The following AUTS2 variants were observed in gnomAD, a reference collection of about 807,000 sequenced individuals.
AUTS2 encodes the protein autism susceptibility gene 2 protein.
In AUTS2, 17 loss-of-function variants were observed where a neutral mutation model predicts 112.4. That is an observed-to-expected ratio of 0.15 (90% confidence interval 0.10 to 0.23). The LOEUF is 0.23. Ranked by LOEUF, AUTS2 falls within the 10% of genes least tolerant of loss-of-function variation. The pLI, the probability that AUTS2 is intolerant of heterozygous loss-of-function variation, is 1.00. For missense variants in AUTS2, 1,510 were observed against 1,701.6 expected (o/e 0.89, Z 1.98); for synonymous variants, 751 against 702.7 (o/e 1.07, Z -1.09).
chr7:69,675,311 T>TG (rs1796507732), intron 1 of AUTS2, among the ~76,000 whole-genome samples: 1 of 152,200 alleles, frequency 6.6e-6, no homozygotes, highest in East Asian at 1.9e-4. Context: ...TTTCCATTGT[T>TG]GCTTTTAAAA....
chr7:70,004,649 C>G (rs1003782298), intron 2 of AUTS2, among the ~76,000 whole-genome samples: 2 of 150,792 alleles, frequency 1.3e-5, no homozygotes, highest in South Asian at 2.1e-4. Context: ...GAGTTTTGGC[C>G]GACTTAGAGG....
At chr7:69,852,511 G>A (rs960311809) in intron 1 of AUTS2, among the ~76,000 whole-genome samples, 1 of 151,938 alleles carries the variant, frequency 6.6e-6, no homozygotes, top group Non-Finnish European at 1.5e-5. Context: ...GGAGTGCAGC[G>A]GCTCAATCTC....
intron 14 of AUTS2, among the ~76,000 whole-genome samples, chr7:70,779,293 C>T (rs1585677356): frequency 6.6e-6 from 1 of 152,164 alleles, no homozygotes; most frequent in Non-Finnish European, 1.5e-5. Context: ...CTCTCTGTAA[C>T]GTTCATTTAC....
At chr7:70,455,351 G>A (rs1377433125) in intron 5 of AUTS2, among the ~76,000 whole-genome samples, 1 of 152,158 alleles carries the variant, frequency 6.6e-6, no homozygotes, top group African/African-American at 2.4e-5. Flanking sequence ...TGCTACAGGT[G>A]GCAATGGCAA....
rs566265825 is a variant in AUTS2 at position 70,257,403 on chromosome 7, C to T, written c.660+122832C>T. ...CACAATCTCGGCTCACTGCAATCTC[C>T]GCCTCCCGGGTTCAAGCCATTTTCC... On this transcript the variant is annotated intron_variant, in intron 4 of 18. Transcript: ENST00000342771. Among the ~76,000 whole-genome samples, 7 of 152,200 alleles carry T rather than the reference C, an allele frequency of 4.6e-5. No homozygotes were observed. In the East Asian group the frequency reaches 7.8e-4, roughly 17 times the overall value.
At position 70,337,736 on chromosome 7, in the gene AUTS2, G is replaced by T. The variant is rs145780092; in HGVS notation, c.661-98016G>T. Among the ~76,000 whole-genome samples, 1,080 of 152,312 alleles carry T rather than the reference G, an allele frequency of 7.1e-3. 6 individuals are homozygous for T. Among genetic ancestry groups the T allele is most frequent in the Non-Finnish European group, 0.012 (831 of 68,014 alleles). On this transcript the variant is annotated intron_variant, in intron 4 of 18. Transcript: ENST00000342771. Reference sequence around the variant, plus strand: ...TTATGAAAAATAGCCCATGTGGTATGTATTTCTCTGCACACATGTGTGTTC... The same window carrying T: ...TTATGAAAAATAGCCCATGTGGTATTTATTTCTCTGCACACATGTGTGTTC...
intron 3 of AUTS2, among the ~76,000 whole-genome samples, chr7:70,134,105 A>G (rs1806416429): frequency 6.6e-6 from 1 of 152,160 alleles, no homozygotes; most frequent in African/African-American, 2.4e-5. Context: ...TTTATTTTCA[A>G]GTCAATCTGG....
At chr7:70,665,761 A>G (rs1464835748) in intron 5 of AUTS2, among the ~76,000 whole-genome samples, 2 of 152,200 alleles carry the variant, frequency 1.3e-5, no homozygotes, top group African/African-American at 4.8e-5. Context: ...AGGATACAAA[A>G]ACCACATATA....
chr7:69,624,581 G>A (rs754529561), intron 1 of AUTS2, among the ~76,000 whole-genome samples: 127 of 152,222 alleles, frequency 8.3e-4, no homozygotes, highest in Non-Finnish European at 1.1e-3. Context: ...GTGTGCAAGT[G>A]GAGGGAGAGA....
intron 5 of AUTS2, among the ~76,000 whole-genome samples, chr7:70,468,963 A>G (rs1797271705): frequency 6.6e-6 from 1 of 152,244 alleles, no homozygotes; most frequent in African/African-American, 2.4e-5. Flanking sequence ...GTCGCTCTAC[A>G]GTTTCGTCAC....
intron 4 of AUTS2, among the ~76,000 whole-genome samples, chr7:70,193,136 G>C (rs905212156): frequency 6.6e-6 from 1 of 152,194 alleles, no homozygotes; most frequent in Admixed American, 6.5e-5. Flanking sequence ...AAGTATGGCT[G>C]TGTCTAGAGG....
chr7:70,325,657 G>A (rs1790453944), intron 4 of AUTS2, among the ~76,000 whole-genome samples: 3 of 152,138 alleles, frequency 2.0e-5, no homozygotes, highest in Non-Finnish European at 4.4e-5. Flanking sequence ...CCCCACCCCC[G>A]ATCAGATTCT....
At chr7:70,713,193 T>G (rs114499819) in intron 6 of AUTS2, among the ~76,000 whole-genome samples, 1,940 of 152,308 alleles carry the variant, frequency 0.013, 36 homozygotes, top group African/African-American at 0.044. Context: ...TGGCAGGTGC[T>G]GCATCACCAA....
chr7:69,911,155 G>A (rs1795337762), intron 2 of AUTS2, among the ~76,000 whole-genome samples: 1 of 152,236 alleles, frequency 6.6e-6, no homozygotes, highest in African/African-American at 2.4e-5. Context: ...CATGCCTGCT[G>A]CTGCGGCAGG....
At chr7:70,647,385 C>G (rs1297234483) in intron 5 of AUTS2, among the ~76,000 whole-genome samples, 1 of 152,220 alleles carries the variant, frequency 6.6e-6, no homozygotes, top group East Asian at 1.9e-4. Context: ...TGTGCCTGGA[C>G]AAGATGACCG....
intron 4 of AUTS2, among the ~76,000 whole-genome samples, chr7:70,281,628 T>C (rs1788217830): frequency 1.3e-5 from 2 of 152,234 alleles, no homozygotes; most frequent in South Asian, 4.1e-4. Context: ...CTGTTTGGGG[T>C]ATTACAATCC....
rs143454953 is a variant in AUTS2, at chr7:70,347,887, C to T, written c.661-87865C>T. Among the ~76,000 whole-genome samples, 9 of 152,322 alleles carry T rather than the reference C, an allele frequency of 5.9e-5. No individual in the cohort carries two copies. In the East Asian group the frequency reaches 1.4e-3, roughly 23 times the overall value. On this transcript the variant is annotated intron_variant, in intron 4 of 18. Coordinates refer to ENST00000342771, the MANE Select transcript of AUTS2 (RefSeq NM_015570.4). Reference sequence around the variant, plus strand: ...GGCCTAGAGGACTGTATCCTTAAACCACTCTCTGCTCTGCTGGCTTATGTC... The same window carrying T: ...GGCCTAGAGGACTGTATCCTTAAACTACTCTCTGCTCTGCTGGCTTATGTC...
intron 5 of AUTS2, among the ~76,000 whole-genome samples, chr7:70,538,836 G>T (rs1224438587): frequency 1.3e-5 from 2 of 152,058 alleles, no homozygotes; most frequent in African/African-American, 4.8e-5. Context: ...TGTTCTTTTC[G>T]TAGAACAGTT....
rs1800251829 is a variant in AUTS2 at position 70,021,112 on chromosome 7, A to T, written c.523-97020A>T. ...ATTCTCCTGCCTCAGCCTCCCGAGT[A>T]GCTGGGATTACAGGCATGCGCCACC... is the stretch of plus-strand genomic sequence containing the variant. On this transcript the variant is annotated intron_variant, in intron 2 of 18. Transcript: ENST00000342771. 2.0e-5 allele frequency among the ~76,000 whole-genome samples: 3 copies of T among 152,176 alleles called. No homozygotes were observed. The South Asian group carries it at 6.2e-4, about 32-fold the overall frequency.
Sources: gnomAD v4.1 joint callset for allele counts (sites outside exome capture counted in the v4.1 genomes callset) on GRCh38, gnomAD v4.1.1 for gene constraint, MANE v1.5 for transcripts, NCBI Gene and HGNC (gene_info 2026-07-23, HGNC 2026-07-21) for gene names.